UNC79: variants seen among roughly 807,000 people sequenced by gnomAD.
UNC79 encodes protein unc-79 homolog.
In UNC79, 37 loss-of-function variants were observed where a neutral mutation model predicts 283.1. The ratio of observed to expected loss-of-function variants is 0.13; its 90% confidence interval spans 0.10 to 0.17. The LOEUF is 0.17. UNC79 is among the 10% of genes least tolerant of loss of function. UNC79 has a pLI of 1.00. For missense variants in UNC79, 2,272 were observed against 3,211.1 expected (o/e 0.71, Z 7.07); for synonymous variants, 1,107 against 1,200.2 (o/e 0.92, Z 1.61).
chr14:93,403,872 CTTTTT>C (rs35901461), intron 1 of UNC79, among the ~76,000 whole-genome samples: 1 of 137,748 alleles, frequency 7.3e-6, no homozygotes. Context: ...GAGCTAGACT[CTTTTT>C]TTTTTTTTTT....
At chr14:93,599,920 A>G (rs2065365908) in intron 24 of UNC79, among the ~76,000 whole-genome samples, 2 of 152,314 alleles carry the variant, frequency 1.3e-5, no homozygotes, top group East Asian at 1.9e-4. Context: ...AACCAGATGC[A>G]GCTGGGCGTG....
chr14:93,566,640 T>A (rs1481716724), intron 14 of UNC79, among the ~76,000 whole-genome samples: 1 of 23,270 alleles, frequency 4.3e-5, no homozygotes, highest in African/African-American at 1.2e-4. Context: ...GTTTCTGGAA[T>A]TTTTTTTTTT....
intron 7 of UNC79, among the ~76,000 whole-genome samples, chr14:93,499,823 C>T (rs911642484): frequency 6.6e-6 from 1 of 152,020 alleles, no homozygotes; most frequent in African/African-American, 2.4e-5. Context: ...AAGTAAGTGA[C>T]ATTTAAGCTG....
chr14:93,635,742 A>G (rs1222663496), intron 31 of UNC79, among the ~76,000 whole-genome samples: 1 of 152,200 alleles, frequency 6.6e-6, no homozygotes, highest in African/African-American at 2.4e-5. Context: ...TTTACATTGT[A>G]AAGGTTTAGT....
intron 1 of UNC79, among the ~76,000 whole-genome samples, chr14:93,392,039 A>C (rs776958651): frequency 6.6e-6 from 1 of 152,254 alleles, no homozygotes; most frequent in Non-Finnish European, 1.5e-5. Context: ...GTAAAGTTGA[A>C]GATGAGGCAG....
rs140828260 is a variant in UNC79, at chr14:93,647,330, G to A, written c.6083+684G>A. Among the ~76,000 whole-genome samples, 1,227 of 152,288 alleles carry A rather than the reference G, an allele frequency of 8.1e-3. 9 individuals are homozygous for A. The highest frequency in any genetic ancestry group is 0.044 in the Middle Eastern group (13 of 294). The stretch of plus-strand genomic sequence containing the variant: ...ATTAACCAACAGGAAAACTGACTAT[G>A]TAATTTGATATCATTTAGTGCTAAA... On this transcript the variant is annotated intron_variant, in intron 35 of 48. Transcript: ENST00000555664.
At chr14:93,507,609 C>T (rs2059609922) in intron 7 of UNC79, among the ~76,000 whole-genome samples, 2 of 152,196 alleles carry the variant, frequency 1.3e-5, no homozygotes, top group Non-Finnish European at 1.5e-5. Flanking sequence ...TAGTTTGATA[C>T]AAGTCATTTG....
intron 26 of UNC79, among the ~76,000 whole-genome samples, chr14:93,611,672 C>A (rs77481913): frequency 6.6e-6 from 1 of 151,970 alleles, no homozygotes; most frequent in East Asian, 1.9e-4. Flanking sequence ...TCCTTTATAC[C>A]GTAATAATAA....
intron 1 of UNC79, among the ~76,000 whole-genome samples, chr14:93,346,251 G>A (rs1566881701): frequency 1.3e-5 from 2 of 152,172 alleles, no homozygotes; most frequent in South Asian, 2.1e-4. Flanking sequence ...AGTGTTACTC[G>A]TGCAATAGGC....
intron 30 of UNC79, among the ~76,000 whole-genome samples, chr14:93,627,169 G>A (rs1385936576): frequency 1.3e-5 from 2 of 152,142 alleles, no homozygotes; most frequent in Non-Finnish European, 2.9e-5. Context: ...TCAGTCATGA[G>A]GTCTGATGCT....
At chr14:93,566,939 A>G (rs967916401) in intron 14 of UNC79, among the ~76,000 whole-genome samples, 3 of 152,158 alleles carry the variant, frequency 2.0e-5, no homozygotes, top group African/African-American at 7.2e-5. Flanking sequence ...AGTAAAAGAC[A>G]TGGTTAAACA....
intron 14 of UNC79, among the ~76,000 whole-genome samples, chr14:93,570,167 T>C (rs1348092916): frequency 7.2e-5 from 11 of 152,196 alleles, no homozygotes; most frequent in Admixed American, 7.2e-4. Context: ...CAGGCTGGTC[T>C]TGAACTCCTG....
At chr14:93,365,215 G>A (rs939756088) in intron 1 of UNC79, among the ~76,000 whole-genome samples, 1 of 151,948 alleles carries the variant, frequency 6.6e-6, no homozygotes, top group Non-Finnish European at 1.5e-5. Context: ...GTGAAACCCT[G>A]TCTATACTAA....
chr14:93,634,898 G>A (rs2068376997), intron 31 of UNC79, among the ~76,000 whole-genome samples: 1 of 152,150 alleles, frequency 6.6e-6, no homozygotes, highest in South Asian at 2.1e-4. Flanking sequence ...TTGATCTGGG[G>A]AGGAGGGAAT....
At chr14:93,467,919 G>C in intron 2 of UNC79, 128 bp downstream of exon 2, 1 of 1,186,882 alleles carries the variant, frequency 8.4e-7, no homozygotes, top group Non-Finnish European at 1.1e-6. Flanking sequence ...TGTCAGAAGA[G>C]TCTGTGCTCA....
intron 1 of UNC79, among the ~76,000 whole-genome samples, chr14:93,344,495 G>C (rs2139889062): frequency 6.6e-6 from 1 of 152,232 alleles, no homozygotes; most frequent in Non-Finnish European, 1.5e-5. Flanking sequence ...TCTTATCTCT[G>C]GTTCTTTGAG....
chr14:93,697,513 G>A (rs1267939847), intron 47 of UNC79, among the ~76,000 whole-genome samples: 1 of 152,124 alleles, frequency 6.6e-6, no homozygotes, highest in Non-Finnish European at 1.5e-5. Flanking sequence ...GGTAGTGTCA[G>A]CCTTCTAAAT....
chr14:93,416,326 C>T (rs1331579758), intron 1 of UNC79, among the ~76,000 whole-genome samples: 8 of 145,074 alleles, frequency 5.5e-5, no homozygotes, highest in African/African-American at 2.1e-4. Flanking sequence ...TGTAGTTGAG[C>T]AGTTTTGAGT....
At chr14:93,666,469 C>G (rs2072214962) in intron 40 of UNC79, among the ~76,000 whole-genome samples, 1 of 152,064 alleles carries the variant, frequency 6.6e-6, no homozygotes, top group East Asian at 1.9e-4. Flanking sequence ...AAAAAGAAAG[C>G]TGAAGTTAGT....
Sources: gnomAD v4.1 joint callset for allele counts (sites outside exome capture counted in the v4.1 genomes callset) on GRCh38, gnomAD v4.1.1 for gene constraint, MANE v1.5 for transcripts, NCBI Gene and HGNC (gene_info 2026-07-23, HGNC 2026-07-21) for gene names.